The following TENM3 variants were observed in gnomAD, a reference collection of about 807,000 sequenced individuals.
TENM3 encodes teneurin transmembrane protein 3.
TENM3 carries 63 observed loss-of-function variants against 255.1 expected under a neutral mutation model. The observed-to-expected ratio is 0.25, with a 90% CI of 0.20 to 0.30. TENM3 has a LOEUF of 0.30. Ranked by LOEUF, TENM3 falls within the 10% of genes least tolerant of loss-of-function variation. TENM3 has a pLI of 1.00. For synonymous variants in TENM3, 1,306 were observed against 1,322.3 expected, an observed-to-expected ratio of 0.99 and a Z score of 0.27; for missense variants, 2,929 against 3,461.1, an observed-to-expected ratio of 0.85 and a Z score of 3.86.
the TENM3 span, among the ~76,000 whole-genome samples, chr4:181,818,186 A>G: frequency 3.3e-5 from 5 of 152,216 alleles, no homozygotes; most frequent in Non-Finnish European, 7.3e-5. Context: ...TTGGCTGAGT[A>G]TAGTCCCCAG....
At chr4:182,231,363 C>T (rs560587643) in intron 1 of TENM3, among the ~76,000 whole-genome samples, 2 of 151,288 alleles carry the variant, frequency 1.3e-5, no homozygotes, top group African/African-American at 2.4e-5. Context: ...CCCAGGAGAA[C>T]AAAAAAAAGG....
chr4:181,721,995 C>A, the TENM3 span, among the ~76,000 whole-genome samples: 23 of 152,114 alleles, frequency 1.5e-4, no homozygotes, highest in Admixed American at 1.5e-3. Context: ...GAGGAGCAAT[C>A]TAACAGGACA....
At chr4:181,901,008 A>G in the TENM3 span, among the ~76,000 whole-genome samples, 1 of 152,104 alleles carries the variant, frequency 6.6e-6, no homozygotes, top group Non-Finnish European at 1.5e-5. Flanking sequence ...TTCAGATTGG[A>G]GCCCAATTTT....
intron 4 of TENM3, among the ~76,000 whole-genome samples, chr4:182,612,303 C>T (rs938603063): frequency 2.0e-5 from 3 of 151,408 alleles, no homozygotes; most frequent in African/African-American, 7.3e-5. Flanking sequence ...CAAGACTACA[C>T]CACAACTCAT....
chr4:181,514,030 T>A, the TENM3 span, among the ~76,000 whole-genome samples: 1 of 152,252 alleles, frequency 6.6e-6, no homozygotes, highest in East Asian at 1.9e-4. Context: ...AATAAAGAAA[T>A]ACCACAAGCA....
the TENM3 span, among the ~76,000 whole-genome samples, chr4:181,649,310 C>T: frequency 2.0e-5 from 3 of 152,202 alleles, no homozygotes; most frequent in African/African-American, 7.2e-5. Flanking sequence ...TACAGCCATT[C>T]TCTCTCACCC....
chr4:181,570,602 G>A, the TENM3 span, among the ~76,000 whole-genome samples: 1 of 151,206 alleles, frequency 6.6e-6, no homozygotes, highest in Admixed American at 6.6e-5. Flanking sequence ...AAAAAGAGAG[G>A]AAGGAAGAAA....
chr4:181,704,661 T>C, the TENM3 span, among the ~76,000 whole-genome samples: 1 of 152,178 alleles, frequency 6.6e-6, no homozygotes, highest in Non-Finnish European at 1.5e-5. Flanking sequence ...CCTATAATAT[T>C]TACCCAGCAG....
rs773217947 is a variant in TENM3 at position 182,792,864 on chromosome 4, T to C, written c.6192T>C (p.Tyr2064=). The C allele has an allele frequency of 6.2e-7, 1 of 1,613,866 alleles. No individual in the cohort carries two copies. The highest frequency in any genetic ancestry group is 2.2e-5 in the East Asian group (1 of 44,882). ...TTGGAAAGTTTGGAGTTATATATTA[T>C]GATATTAACCAGATCATTTCTACAG... is the stretch of plus-strand genomic sequence containing the variant. ...EQFGKFGVIY[Y]DINQIISTAV... Residue 2064 remains tyrosine (Y), a synonymous_variant, in exon 26 of 28, where the codon TAT becomes TAC. Coordinates refer to ENST00000511685, the MANE Select transcript of TENM3 (RefSeq NM_001080477.4). This position sits in a 1 kb window ranked among gnomAD's most constrained non-coding sequence, Gnocchi z 6.3.
the TENM3 span, among the ~76,000 whole-genome samples, chr4:181,549,786 T>C: frequency 6.6e-6 from 1 of 152,148 alleles, no homozygotes; most frequent in South Asian, 2.1e-4. Context: ...GGGGACAGAC[T>C]TGCATATTTA....
chr4:181,619,449 T>C, the TENM3 span, among the ~76,000 whole-genome samples: 5 of 152,164 alleles, frequency 3.3e-5, no homozygotes, highest in South Asian at 6.2e-4. Flanking sequence ...AGAGACAGAG[T>C]CTCACTCTAT....
intron 24 of TENM3, among the ~76,000 whole-genome samples, chr4:182,778,910 G>T (rs1764911276): frequency 1.4e-5 from 2 of 147,968 alleles, no homozygotes; most frequent in African/African-American, 5.0e-5. Flanking sequence ...AAGTGTGTGT[G>T]TGTATGTGTG....
the TENM3 span, among the ~76,000 whole-genome samples, chr4:182,013,716 C>T: frequency 6.6e-6 from 1 of 152,070 alleles, no homozygotes; most frequent in Non-Finnish European, 1.5e-5. Context: ...ATGGAACACT[C>T]TGAAGCTGAC....
chr4:181,641,518 C>A, the TENM3 span, among the ~76,000 whole-genome samples: 12 of 105,946 alleles, frequency 1.1e-4, no homozygotes, highest in African/African-American at 4.2e-4. Context: ...TGAACTCATC[C>A]TTTTTTGTGG....
chr4:182,101,292 A>G, the TENM3 span, among the ~76,000 whole-genome samples: 1 of 137,484 alleles, frequency 7.3e-6, no homozygotes, highest in Non-Finnish European at 1.6e-5. Flanking sequence ...GGGAGGGAGG[A>G]AGGAAGGAGG....
the TENM3 span, among the ~76,000 whole-genome samples, chr4:182,046,152 A>G: frequency 2.6e-5 from 4 of 152,192 alleles, no homozygotes; most frequent in African/African-American, 9.6e-5. Flanking sequence ...TCAGTTTTCT[A>G]ATCAGTAAAA....
At chr4:182,782,913 T>A (rs1765295141) in intron 24 of TENM3, among the ~76,000 whole-genome samples, 1 of 151,568 alleles carries the variant, frequency 6.6e-6, no homozygotes, top group Admixed American at 6.6e-5. Context: ...GCTTGGTAGA[T>A]CTTCCTCCAT....
the TENM3 span, chr4:181,820,266 T>C: frequency 6.6e-6 from 1 of 152,208 alleles, no homozygotes; most frequent in Non-Finnish European, 1.5e-5. Context: ...AAGTAATTTA[T>C]TTCCTAGAAC....
intron 3 of TENM3, among the ~76,000 whole-genome samples, chr4:182,372,911 A>T (rs542993348): frequency 5.9e-4 from 90 of 151,698 alleles, no homozygotes; most frequent in African/African-American, 2.1e-3. Flanking sequence ...TTATTTATTT[A>T]TTTTTTTGGG....
Sources: gnomAD v4.1 joint callset for allele counts (sites outside exome capture counted in the v4.1 genomes callset) on GRCh38, gnomAD v4.1.1 for gene constraint, Gnocchi (gnomAD v3.1) non-coding constraint, MANE v1.5 for transcripts, NCBI Gene and HGNC (gene_info 2026-07-23, HGNC 2026-07-21) for gene names.